IGFL4: variants seen among roughly 807,000 people sequenced by gnomAD.
IGFL4 encodes insulin growth factor-like family member 4.
In IGFL4, 12 loss-of-function variants were observed where a neutral mutation model predicts 15.4. The observed-to-expected ratio is 0.78, with a 90% CI of 0.50 to 1.26. The LOEUF (loss-of-function observed/expected upper bound fraction) is 1.26, where lower values mean the gene tolerates loss of function less well. Ranked by LOEUF, IGFL4 falls within the 50% of genes most tolerant of loss-of-function variation. IGFL4 has a pLI of 0.00. For missense variants in IGFL4, 126 were observed against 147.8 expected (o/e 0.85, Z 0.76); for synonymous variants, 54 against 55.9 (o/e 0.97, Z 0.16).
At chr19:46,057,704 C>G (rs1391224250) in intron 2 of IGFL4, 1 of 152,124 alleles carries the variant, frequency 6.6e-6, no homozygotes, top group Non-Finnish European at 1.5e-5. Flanking sequence ...TTAATTGACT[C>G]ACAGTTTCAC....
chr19:46,052,159 C>G (rs1969350948), intron 2 of IGFL4, among the ~76,000 whole-genome samples: 2 of 152,128 alleles, frequency 1.3e-5, no homozygotes, highest in Non-Finnish European at 1.5e-5. Flanking sequence ...ACACAACATT[C>G]TATGCAACGA....
intron 1 of IGFL4, among the ~76,000 whole-genome samples, chr19:46,070,307 G>C (rs1284590259): frequency 6.6e-6 from 1 of 152,068 alleles, no homozygotes; most frequent in Non-Finnish European, 1.5e-5. Flanking sequence ...AACAGACTTC[G>C]GGCTGGAACT....
At chr19:46,048,668 T>C (rs888279504) in intron 2 of IGFL4, among the ~76,000 whole-genome samples, 2 of 151,944 alleles carry the variant, frequency 1.3e-5, no homozygotes, top group Admixed American at 6.6e-5. Context: ...TCATTCACAA[T>C]TGCTACAAAA....
chr19:46,048,634 G>C (rs777131593), intron 2 of IGFL4, among the ~76,000 whole-genome samples: 1 of 152,108 alleles, frequency 6.6e-6, no homozygotes, highest in South Asian at 2.1e-4. Flanking sequence ...CAGGCAAGCA[G>C]AGAGCCAAAT....
intron 1 of IGFL4, among the ~76,000 whole-genome samples, chr19:46,074,246 G>T (rs1210304234): frequency 4.0e-5 from 6 of 151,434 alleles, no homozygotes; most frequent in Non-Finnish European, 8.8e-5. Context: ...ATTAGTCAGG[G>T]TTGTCTAGAG....
upstream of IGFL4, among the ~76,000 whole-genome samples, chr19:46,042,491 G>A (rs1293364230): frequency 6.6e-6 from 1 of 152,200 alleles, no homozygotes; most frequent in Admixed American, 6.5e-5. Context: ...ACTAAGGAGG[G>A]AAATCCCAAA....
intron 2 of IGFL4, among the ~76,000 whole-genome samples, chr19:46,052,966 G>GA (rs71175255): frequency 0.18 from 20,742 of 112,244 alleles, 1,905 homozygotes; most frequent in Middle Eastern, 0.22. Context: ...AGTCAGAAAA[G>GA]AAAAAAAAAA....
At chr19:46,074,070 C>T (rs1388846415) in intron 1 of IGFL4, among the ~76,000 whole-genome samples, 1 of 152,090 alleles carries the variant, frequency 6.6e-6, no homozygotes, top group Non-Finnish European at 1.5e-5. Context: ...GATGGCCTGA[C>T]TGAGCCTGGA....
At chr19:46,041,867 ATC>A (rs1969248388), upstream of IGFL4, among the ~76,000 whole-genome samples, 3 of 122,644 alleles carry the variant, frequency 2.4e-5, no homozygotes, top group Admixed American at 2.0e-4. Context: ...GAGACACCGT[ATC>A]TCTCTGTCTC....
intron 1 of IGFL4, among the ~76,000 whole-genome samples, chr19:46,061,615 C>T (rs920443211): frequency 1.3e-5 from 2 of 152,182 alleles, no homozygotes; most frequent in African/African-American, 2.4e-5. Flanking sequence ...TTAAGGGCCT[C>T]ATTTTTACAC....
upstream of IGFL4, among the ~76,000 whole-genome samples, chr19:46,041,415 A>T (rs1437799592): frequency 6.6e-6 from 1 of 152,170 alleles, no homozygotes; most frequent in Non-Finnish European, 1.5e-5. Context: ...GTCTCAGTTC[A>T]CCTGCAGACC....
intron 2 of IGFL4, among the ~76,000 whole-genome samples, chr19:46,052,871 T>G (rs1185594356): frequency 1.3e-5 from 2 of 150,326 alleles, no homozygotes; most frequent in Non-Finnish European, 3.0e-5. Flanking sequence ...ATCTCGTTTT[T>G]TTTTTTTTTT....
intron 1 of IGFL4, among the ~76,000 whole-genome samples, chr19:46,065,389 C>A (rs1969485406): frequency 6.6e-6 from 1 of 152,152 alleles, no homozygotes; most frequent in Non-Finnish European, 1.5e-5. Flanking sequence ...GCGGCGTGAT[C>A]TCACTCACTG....
At chr19:46,063,335 G>GCACACACACACACA (rs5828265) in intron 1 of IGFL4, among the ~76,000 whole-genome samples, 1 of 147,090 alleles carries the variant, frequency 6.8e-6, no homozygotes, top group African/African-American at 2.5e-5. Context: ...ACACACGCAT[G>GCACACACACACACA]CACACACACA....
intron 1 of IGFL4, among the ~76,000 whole-genome samples, chr19:46,075,288 C>G (rs1195744229): frequency 2.0e-5 from 3 of 152,172 alleles, no homozygotes; most frequent in Non-Finnish European, 4.4e-5. Context: ...ACCAGATGTT[C>G]TCTTTCTGTT....
At chr19:46,052,429 T>C (rs1451145775) in intron 2 of IGFL4, among the ~76,000 whole-genome samples, 2 of 152,076 alleles carry the variant, frequency 1.3e-5, no homozygotes, top group African/African-American at 4.8e-5. Context: ...AATTGAAAAA[T>C]TCTTTGACCT....
At chr19:46,047,598 T>C (rs1341193789) in intron 2 of IGFL4, among the ~76,000 whole-genome samples, 14 of 152,138 alleles carry the variant, frequency 9.2e-5, no homozygotes, top group Non-Finnish European at 2.1e-4. Flanking sequence ...ATATTACCAC[T>C]GACCCCACGG....
At chr19:46,043,244 T>A (rs1969263951), upstream of IGFL4, among the ~76,000 whole-genome samples, 1 of 152,150 alleles carries the variant, frequency 6.6e-6, no homozygotes, top group South Asian at 2.1e-4. Flanking sequence ...TAGGAGAACA[T>A]GTAGAGGATA....
chr19:46,073,725 T>A (rs978003231), intron 1 of IGFL4, among the ~76,000 whole-genome samples: 34 of 152,144 alleles, frequency 2.2e-4, no homozygotes, highest in African/African-American at 8.2e-4. Flanking sequence ...ACTTGGCAAA[T>A]ATCTCAACAC....
Sources: allele counts gnomAD v4.1 joint callset (sites outside exome capture counted in the v4.1 genomes callset), GRCh38; gene constraint gnomAD v4.1.1; transcripts MANE v1.5; gene names NCBI Gene and HGNC (gene_info 2026-07-23, HGNC 2026-07-21).